ADAMTS17: variants seen among roughly 807,000 people sequenced by gnomAD.
ADAMTS17 encodes the protein ADAM metallopeptidase with thrombospondin type 1 motif 17, also known as A disintegrin and metalloproteinase with thrombospondin motifs 17.
A neutral mutation model predicts 141.5 loss-of-function variants in ADAMTS17; 113 were observed. The observed-to-expected ratio is 0.80, with a 90% CI of 0.69 to 0.93. ADAMTS17 has a LOEUF of 0.93. Ranked by LOEUF, ADAMTS17 falls within the 40% of genes least tolerant of loss-of-function variation. ADAMTS17 has a pLI of 0.00. For synonymous variants in ADAMTS17, 768 were observed against 630.6 expected, an observed-to-expected ratio of 1.22 and a Z score of -3.27; for missense variants, 1,659 against 1,517.9, an observed-to-expected ratio of 1.09 and a Z score of -1.54.
chr15:100,162,826 ATATGTG>A (rs902356107), intron 8 of ADAMTS17, among the ~76,000 whole-genome samples: 2 of 145,210 alleles, frequency 1.4e-5, no homozygotes, highest in African/African-American at 2.5e-5. Context: ...CACATTATAT[ATATGTG>A]TATAACTATA....
intron 14 of ADAMTS17, among the ~76,000 whole-genome samples, chr15:100,104,583 C>A (rs1017877377): frequency 6.6e-6 from 1 of 152,104 alleles, no homozygotes; most frequent in Non-Finnish European, 1.5e-5. Context: ...CGTCTGCTAC[C>A]CCAAAATAGC....
chr15:100,142,306 G>A (rs2038695413), intron 10 of ADAMTS17, among the ~76,000 whole-genome samples: 1 of 152,170 alleles, frequency 6.6e-6, no homozygotes, highest in African/African-American at 2.4e-5. Context: ...GAAAAGCCTG[G>A]AGACTGGGAT....
intron 12 of ADAMTS17, chr15:100,126,309 A>G (rs1415631581): frequency 1.3e-5 from 2 of 152,226 alleles, no homozygotes; most frequent in Non-Finnish European, 2.9e-5. Context: ...ACTACATGGG[A>G]AAAAGGAGCA....
intron 3 of ADAMTS17, among the ~76,000 whole-genome samples, chr15:100,317,648 TG>T (rs564878764): frequency 6.6e-6 from 1 of 151,978 alleles, no homozygotes; most frequent in Non-Finnish European, 1.5e-5. Context: ...TTGAGCATTT[TG>T]GGGGGGACAA....
chr15:100,262,515 G>A lies in ADAMTS17; in HGVS notation c.790-80C>T, dbSNP rs74039109. 3.6e-4 allele frequency: 374 copies of A among 1,045,618 alleles called. 1 individual carries two copies. In the African/African-American group the frequency reaches 5.4e-3, roughly 15 times the overall value. 64.8% of individuals were successfully genotyped at this position (1,045,618 alleles called of 1,614,324 possible). A position where few individuals can be genotyped will look rare whatever the true frequency, so the allele number is the denominator to read the frequency against. ...CAGTAGTATCCTAGATGGGAACTTG[G>A]GACACAGAAAAGAGATTATGTAAAA... On this transcript the variant is annotated intron_variant, in intron 4 of 21. Coordinates refer to ENST00000268070, the MANE Select transcript of ADAMTS17 (RefSeq NM_139057.4).
chr15:100,230,859 G>T (rs1015032707), intron 7 of ADAMTS17, among the ~76,000 whole-genome samples: 10 of 150,558 alleles, frequency 6.6e-5, no homozygotes, highest in African/African-American at 2.4e-4. Context: ...ACAGGTGTTG[G>T]GACTGCCTGG....
At chr15:100,125,070 G>A (rs978348086) in intron 12 of ADAMTS17, among the ~76,000 whole-genome samples, 6 of 152,170 alleles carry the variant, frequency 3.9e-5, no homozygotes, top group Admixed American at 2.0e-4. Flanking sequence ...ACAGCAGTTC[G>A]GACCAGCTTC....
intron 15 of ADAMTS17, among the ~76,000 whole-genome samples, chr15:100,058,214 T>C (rs74595189): frequency 0.21 from 2,274 of 10,762 alleles, 505 homozygotes; most frequent in African/African-American, 0.37. Context: ...ACACCCCTAT[T>C]CCGGCTCCAA....
intron 10 of ADAMTS17, among the ~76,000 whole-genome samples, chr15:100,134,923 T>C (rs555969550): frequency 6.6e-6 from 1 of 152,300 alleles, no homozygotes; most frequent in East Asian, 1.9e-4. Context: ...GCACAGCTGG[T>C]CCTATAAAGA....
intron 14 of ADAMTS17, among the ~76,000 whole-genome samples, chr15:100,104,072 G>A (rs977407789): frequency 1.3e-5 from 2 of 152,234 alleles, no homozygotes; most frequent in African/African-American, 4.8e-5. Context: ...GTTGGCTACA[G>A]GTGTGCACAA....
intron 15 of ADAMTS17, among the ~76,000 whole-genome samples, chr15:100,085,157 G>A (rs754449786): frequency 1.5e-4 from 23 of 152,144 alleles, no homozygotes; most frequent in Non-Finnish European, 2.8e-4. Context: ...AAGGACCTGA[G>A]GGAGCTGAAA....
At chr15:100,337,974 T>C (rs768111259) in intron 2 of ADAMTS17, among the ~76,000 whole-genome samples, 1 of 152,216 alleles carries the variant, frequency 6.6e-6, no homozygotes, top group Non-Finnish European at 1.5e-5. Context: ...TGTAAAGGCC[T>C]TCCTCAGACA....
At chr15:100,173,884 A>G (rs1260131137) in intron 8 of ADAMTS17, among the ~76,000 whole-genome samples, 1 of 152,230 alleles carries the variant, frequency 6.6e-6, no homozygotes, top group African/African-American at 2.4e-5. Flanking sequence ...CTCCCAGGTG[A>G]GTCTAGTGTA....
At chr15:100,078,249 T>C (rs28864522) in intron 15 of ADAMTS17, among the ~76,000 whole-genome samples, 23,683 of 151,658 alleles carry the variant, frequency 0.16, 3,580 homozygotes, top group African/African-American at 0.4. Flanking sequence ...GACAAGCTGT[T>C]CCTAAAATTC....
intron 7 of ADAMTS17, among the ~76,000 whole-genome samples, chr15:100,241,801 C>A (rs572186477): frequency 1.3e-4 from 20 of 152,270 alleles, no homozygotes; most frequent in African/African-American, 4.6e-4. Flanking sequence ...TTCTATATGT[C>A]AATCAAGCTC....
At chr15:100,277,941 G>A (rs1349538115) in intron 4 of ADAMTS17, among the ~76,000 whole-genome samples, 1 of 152,222 alleles carries the variant, frequency 6.6e-6, no homozygotes, top group Non-Finnish European at 1.5e-5. Context: ...TACGTGCAAT[G>A]GGATACTACT....
chr15:100,108,554 T>C (rs2036547719), intron 14 of ADAMTS17, among the ~76,000 whole-genome samples: 2 of 152,172 alleles, frequency 1.3e-5, no homozygotes, highest in African/African-American at 4.8e-5. Flanking sequence ...TGGGACTATA[T>C]ACCAGTAGAT....
At chr15:100,258,855 T>C (rs7170619) in intron 6 of ADAMTS17, among the ~76,000 whole-genome samples, 5,012 of 152,306 alleles carry the variant, frequency 0.033, 278 homozygotes, top group East Asian at 0.29. Context: ...ATAGCATCTT[T>C]GCATTGAGGG....
chr15:100,044,578 A>T (rs2031529038), intron 18 of ADAMTS17, among the ~76,000 whole-genome samples: 1 of 152,184 alleles, frequency 6.6e-6, no homozygotes, highest in African/African-American at 2.4e-5. Context: ...AGCTTTTCTT[A>T]CGTTTCTGAG....
Sources: gnomAD v4.1 joint callset for allele counts (sites outside exome capture counted in the v4.1 genomes callset) on GRCh38, gnomAD v4.1.1 for gene constraint, MANE v1.5 for transcripts, NCBI Gene and HGNC (gene_info 2026-07-23, HGNC 2026-07-21) for gene names.